BACH2: variants seen among roughly 807,000 people sequenced by gnomAD.
BACH2 encodes BACH transcriptional regulator 2, also known as transcription regulator protein BACH2.
In BACH2, 5 loss-of-function variants were observed where a neutral mutation model predicts 61.8. The ratio of observed to expected loss-of-function variants is 0.08; its 90% CI spans 0.04 to 0.17. BACH2 has a LOEUF of 0.17. Ranked by LOEUF, BACH2 falls within the 10% of genes least tolerant of loss-of-function variation. The probability of loss-of-function intolerance (pLI) is 1.00; values close to 1 mark genes in which losing one functional copy is unlikely to be tolerated. For synonymous variants in BACH2, 446 were observed against 440.1 expected (o/e 1.01, Z -0.17); for missense variants, 824 against 1,091.1 (o/e 0.76, Z 3.45).
Position 89,937,676 on chromosome 6 carries a change from C to T in BACH2, c.2043+468G>A, listed in dbSNP as rs554366302. Among the ~76,000 whole-genome samples the T allele has an allele frequency of 2.3e-4, 35 of 152,222 alleles. 1 individual carries two copies. The South Asian group carries it at 5.6e-3, about 24-fold the overall frequency. On this transcript the variant is annotated intron_variant, in intron 8 of 8. Transcript: ENST00000257749. ...TCCCGAATAGCTGGGACTACAGGCA[C>T]GTGCTGCCATGCCCGGCTAATTTTT...
In BACH2 at chr6:90,235,758, G is replaced by C. The variant is rs544928091; in HGVS notation, c.-275+16755C>G. Among the ~76,000 whole-genome samples, 6 of 152,276 alleles carry C rather than the reference G, an allele frequency of 3.9e-5. No homozygotes were observed. In the East Asian group the frequency reaches 9.7e-4, roughly 25 times the overall value. On this transcript the variant is annotated intron_variant, in intron 3 of 8. Transcript: ENST00000257749. The stretch of plus-strand genomic sequence containing the variant: ...CAATCCCTTAGAGACAATTAGAAAG[G>C]ATGCATTTACTCAGAATTTAGTAAG...
intron 5 of BACH2, among the ~76,000 whole-genome samples, chr6:90,053,687 T>C (rs1178316068): frequency 6.6e-6 from 1 of 152,256 alleles, no homozygotes; most frequent in Non-Finnish European, 1.5e-5. Flanking sequence ...AGGTTATTTT[T>C]GCTGAAAACA....
chr6:90,161,167 C>G (rs1785179494), intron 4 of BACH2, among the ~76,000 whole-genome samples: 1 of 148,678 alleles, frequency 6.7e-6, no homozygotes, highest in Admixed American at 6.7e-5. Flanking sequence ...ACAGATCTAA[C>G]TGGAAGGAAA....
chr6:90,240,382 T>C (rs1417293521), intron 3 of BACH2, among the ~76,000 whole-genome samples: 1 of 152,184 alleles, frequency 6.6e-6, no homozygotes, highest in Non-Finnish European at 1.5e-5. Context: ...AAATTTTAAC[T>C]TAAATATGAA....
At chr6:90,156,850 AGACATGGAATACAT>A (rs1785011136) in intron 4 of BACH2, among the ~76,000 whole-genome samples, 1 of 152,218 alleles carries the variant, frequency 6.6e-6, no homozygotes, top group Non-Finnish European at 1.5e-5. Flanking sequence ...AACCCAAAAA[AGACATGGAATACAT>A]GACCCAGGCG....
At chr6:90,133,432 T>C (rs934658888) in intron 4 of BACH2, among the ~76,000 whole-genome samples, 6 of 152,228 alleles carry the variant, frequency 3.9e-5, no homozygotes, top group African/African-American at 1.4e-4. Flanking sequence ...CAGGTAATCT[T>C]AAACTCAGGC....
intron 7 of BACH2, among the ~76,000 whole-genome samples, chr6:89,949,828 T>G (rs112315539): frequency 9.9e-5 from 15 of 152,034 alleles, no homozygotes; most frequent in African/African-American, 3.6e-4. Context: ...TGTTGATCTA[T>G]TTGGTTTCAA....
At chr6:90,278,088 C>T (rs1771749552) in intron 1 of BACH2, among the ~76,000 whole-genome samples, 4 of 152,316 alleles carry the variant, frequency 2.6e-5, no homozygotes, top group Admixed American at 2.6e-4. Context: ...TACTTTGAGA[C>T]ACTTGGTAAA....
rs1772560305 is a variant in BACH2, at chr6:89,930,158, C to G, written c.*2250G>C. The G allele has an allele frequency of 7.0e-6, 1 of 142,612 alleles. No homozygotes were observed. The highest frequency in any genetic ancestry group is 2.6e-5 in the African/African-American group (1 of 38,482). 8.8% of individuals were successfully genotyped at this position (142,612 alleles called of 1,614,324 possible). On this transcript the variant is annotated 3_prime_UTR_variant, in exon 9 of 9. Transcript: ENST00000257749. ...ACACACACACACACACACACACACACACACACAAACAAGAAAAAACAAAAA... is the reference window on the plus strand; with the variant it reads ...ACACACACACACACACACACACACAGACACACAAACAAGAAAAAACAAAAA...
intron 5 of BACH2, among the ~76,000 whole-genome samples, chr6:90,037,487 C>G (rs1470720442): frequency 6.6e-6 from 1 of 152,072 alleles, no homozygotes; most frequent in African/African-American, 2.4e-5. Context: ...GTGGATTAGG[C>G]CCTCATTTTC....
chr6:90,290,812 A>G (rs546107816), intron 1 of BACH2, among the ~76,000 whole-genome samples: 1 of 152,346 alleles, frequency 6.6e-6, no homozygotes, highest in South Asian at 2.1e-4. Flanking sequence ...GCCCAAGACT[A>G]GAGTGATGGA....
chr6:90,069,313 T>G (rs1015304268), intron 5 of BACH2, among the ~76,000 whole-genome samples: 2 of 152,190 alleles, frequency 1.3e-5, no homozygotes, highest in African/African-American at 4.8e-5. Context: ...AGTAAAACAG[T>G]TGAAATTTAT....
intron 7 of BACH2, among the ~76,000 whole-genome samples, chr6:89,940,611 G>A (rs1253573239): frequency 6.6e-6 from 1 of 152,172 alleles, no homozygotes; most frequent in Non-Finnish European, 1.5e-5. Context: ...TTACATTCAC[G>A]TCTGCTCCGG....
At chr6:90,241,551 A>G (rs1770453126) in intron 3 of BACH2, among the ~76,000 whole-genome samples, 2 of 152,248 alleles carry the variant, frequency 1.3e-5, no homozygotes, top group Non-Finnish European at 2.9e-5. Flanking sequence ...ACATAGAAAT[A>G]AAACATTTAG....
At chr6:89,965,202 C>A (rs1774990227) in intron 6 of BACH2, among the ~76,000 whole-genome samples, 2 of 152,098 alleles carry the variant, frequency 1.3e-5, no homozygotes, top group Non-Finnish European at 1.5e-5. Context: ...ATACTTTTGG[C>A]TCTGCTTGTC....
At chr6:90,218,921 G>A (rs971203360) in intron 3 of BACH2, among the ~76,000 whole-genome samples, 5 of 27,936 alleles carry the variant, frequency 1.8e-4, no homozygotes, top group African/African-American at 1.0e-3. Context: ...TTTCCTTTCC[G>A]TGTGTGTGTG....
At chr6:90,098,289 C>T (rs1385475013) in intron 4 of BACH2, among the ~76,000 whole-genome samples, 4 of 152,020 alleles carry the variant, frequency 2.6e-5, no homozygotes, top group African/African-American at 7.3e-5. Flanking sequence ...CCCGCAACCC[C>T]CACCCTTCCC....
intron 4 of BACH2, among the ~76,000 whole-genome samples, chr6:90,187,790 C>G (rs1321978096): frequency 6.6e-6 from 1 of 152,188 alleles, no homozygotes; most frequent in African/African-American, 2.4e-5. Flanking sequence ...GTCGTAGGCA[C>G]TTTTACATTA....
At chr6:89,984,253 CA>C (rs1186460594) in intron 6 of BACH2, among the ~76,000 whole-genome samples, 2 of 152,014 alleles carry the variant, frequency 1.3e-5, no homozygotes, top group Non-Finnish European at 2.9e-5. Context: ...GTCAAACAGA[CA>C]GACCTTTTAA....
Sources: gnomAD v4.1 joint callset for allele counts (sites outside exome capture counted in the v4.1 genomes callset) on GRCh38, gnomAD v4.1.1 for gene constraint, MANE v1.5 for transcripts, NCBI Gene and HGNC (gene_info 2026-07-23, HGNC 2026-07-21) for gene names.